The following MTO1 variants were observed in gnomAD, a reference collection of about 807,000 sequenced individuals.
The protein encoded by MTO1 is mitochondrial tRNA translation optimization 1.
MTO1 carries 46 observed loss-of-function variants against 71.6 expected under a neutral mutation model. The observed-to-expected ratio is 0.64, with a 90% CI of 0.51 to 0.82. The LOEUF is 0.82. Among genes scored for constraint, MTO1 ranks in the 40% least tolerant of loss-of-function variants. The pLI, the probability that MTO1 is intolerant of heterozygous loss-of-function variation, is 0.00. For missense variants in MTO1, 773 were observed against 867.5 expected, an observed-to-expected ratio of 0.89 and a Z score of 1.37; for synonymous variants, 297 against 312.1, an observed-to-expected ratio of 0.95 and a Z score of 0.51.
chr6:73,467,809 T>G (rs1771043981), intron 3 of MTO1, among the ~76,000 whole-genome samples: 1 of 151,896 alleles, frequency 6.6e-6, no homozygotes, highest in African/African-American at 2.4e-5. Flanking sequence ...TCTATTAACT[T>G]TTTTTGTTTG....
intron 4 of MTO1, among the ~76,000 whole-genome samples, chr6:73,478,892 C>CTTTTTTTTTTT (rs1352190387): frequency 7.5e-6 from 1 of 134,110 alleles, no homozygotes; most frequent in Non-Finnish European, 1.6e-5. Flanking sequence ...TTTTTTTTTT[C>CTTTTTTTTTTT]TTTTTTTTTT....
rs927196297 is a variant in MTO1, at chr6:73,500,691, C to G, written c.2035C>G (p.Gln679Glu). The G allele has an allele frequency of 1.3e-5, 21 of 1,610,966 alleles. No individual in the cohort carries two copies. The highest frequency in any genetic ancestry group is 1.8e-5 in the Non-Finnish European group (21 of 1,178,550). Residue 679 changes from glutamine to glutamate, a missense_variant, in exon 12 of 12, where the codon CAA becomes GAA. Coordinates refer to ENST00000498286, the MANE Select transcript of MTO1 (RefSeq NM_012123.4). The stretch of plus-strand genomic sequence containing the variant: ...TATGAATGAATCATCCAAGACTGAT[C>G]AATACTTATGTGATGCAGACAGACT... ...SAMNESSKTD[Q>E]YLCDADRLQE...
intron 1 of MTO1, 28 bp from the exon 2 acceptor site, chr6:73,466,177 ATATT>A (rs1176250818): frequency 6.4e-7 from 1 of 1,553,180 alleles, no homozygotes; most frequent in East Asian, 2.2e-5. Flanking sequence ...AGGTGCTCAT[ATATT>A]TATTTTGTTT....
At position 73,461,823 on chromosome 6, in the gene MTO1, A is replaced by G. The variant is rs1007901122; in HGVS notation, c.-32A>G. ...AGTTTTTTTGACCGTCACTCGTGTC[A>G]GCTTCAAAGTCAGATAGATTTTTCT... On this transcript the variant is annotated 5_prime_UTR_variant, in exon 1 of 12. Transcript: ENST00000498286. 3 of 1,598,350 alleles carry G rather than the reference A, an allele frequency of 1.9e-6. No homozygotes were observed. The highest frequency in any genetic ancestry group is 3.4e-5 in the Admixed American group (2 of 59,580).
intron 3 of MTO1, chr6:73,471,899 C>T (rs903517): frequency 0.067 from 10,171 of 152,274 alleles, 464 homozygotes; most frequent in East Asian, 0.19. Context: ...TCACCACCAA[C>T]GGTCTCTTGA....
rs1180126501 is a variant in MTO1 at position 73,480,759 on chromosome 6, C to A, written c.1214C>A (p.Ala405Asp). The A allele has an allele frequency of 6.2e-7, 1 of 1,614,008 alleles. No homozygotes were observed. Among genetic ancestry groups the A allele is most frequent in the Non-Finnish European group, 8.5e-7 (1 of 1,179,992 alleles). The change falls in exon 7 of 12, where the codon GCT becomes GAT. Residue 405 changes from alanine (A) to aspartate (D), a missense_variant. Coordinates refer to ENST00000498286, the MANE Select transcript of MTO1 (RefSeq NM_012123.4). ...CATTTGGTTCAACGACTCTTCTTTG[C>A]TGGACAGATCAATGGCACCACTGGT... ...ETHLVQRLFF[A>D]GQINGTTGYE... is the part of the protein sequence containing the mutation.
intron 11 of MTO1, 47 bp downstream of exon 11, chr6:73,497,943 C>T: frequency 6.6e-7 from 1 of 1,518,842 alleles, no homozygotes; most frequent in South Asian, 1.2e-5. Flanking sequence ...GATAAAGATA[C>T]AGTGCTTTAA....
At chr6:73,483,193 G>C (rs1010145099) in intron 9 of MTO1, among the ~76,000 whole-genome samples, 1 of 152,060 alleles carries the variant, frequency 6.6e-6, no homozygotes, top group Admixed American at 6.6e-5. Flanking sequence ...CGGATCACTT[G>C]AGTTCAGGAG....
At chr6:73,474,207 C>T (rs1211924625) in intron 4 of MTO1, among the ~76,000 whole-genome samples, 1 of 151,984 alleles carries the variant, frequency 6.6e-6, no homozygotes, top group African/African-American at 2.4e-5. Context: ...GTTCTTCTGC[C>T]TCAGCCTCCC....
rs1382806471 is a variant in MTO1, at chr6:73,461,757, A to G, written c.-98A>G. ...TAGACGTCCTACCCCGTGATATTAAAGCAAGATGGCCGCGCCCTGCAGATT... is the reference window on the plus strand; with the variant it reads ...TAGACGTCCTACCCCGTGATATTAAGGCAAGATGGCCGCGCCCTGCAGATT... On this transcript the variant is annotated 5_prime_UTR_variant, in exon 1 of 12. Transcript: ENST00000498286. The G allele has an allele frequency of 1.5e-6, 2 of 1,343,786 alleles. No individual in the cohort carries two copies. Among genetic ancestry groups the G allele is most frequent in the East Asian group, 4.8e-5 (2 of 41,500 alleles). The allele number at this position is 1,343,786 out of a possible 1,614,324, so 83.2% of individuals were successfully genotyped here.
chr6:73,492,027 A>G, intron 9 of MTO1: 1 of 413,530 alleles, frequency 2.4e-6, no homozygotes. Flanking sequence ...GCTTGAACCC[A>G]GCAGGTGGGG....
chr6:73,503,810 G>A lies in MTO1; in HGVS notation c.*3075G>A, dbSNP rs186898852. 2.0e-5 allele frequency: 3 copies of A among 152,312 alleles called. No homozygotes were observed. Among genetic ancestry groups the A allele is most frequent in the East Asian group, 1.9e-4 (1 of 5,190 alleles). The allele number at this position is 152,312 out of a possible 1,614,324, so 9.4% of individuals were successfully genotyped here. The stretch of plus-strand genomic sequence containing the variant: ...GATACGAACCTATGCTAAATTAAAC[G>A]ATTATGGCCTTGAAAATGAAGTTCC... On this transcript the variant is annotated 3_prime_UTR_variant, in exon 12 of 12. Transcript: ENST00000498286.
intron 1 of MTO1, among the ~76,000 whole-genome samples, chr6:73,463,320 C>T (rs1173125701): frequency 1.3e-5 from 2 of 152,088 alleles, no homozygotes; most frequent in South Asian, 2.1e-4. Context: ...CATGAGCCAC[C>T]GTGCCCAGCG....
At chr6:73,489,061 A>G (rs1024366546) in intron 9 of MTO1, among the ~76,000 whole-genome samples, 20 of 152,172 alleles carry the variant, frequency 1.3e-4, no homozygotes, top group African/African-American at 4.3e-4. Context: ...TCTTCTAGAA[A>G]TTTTATACCT....
Position 73,500,875 on chromosome 6 carries a change from A to G in MTO1, c.*140A>G. On this transcript the variant is annotated 3_prime_UTR_variant, in exon 12 of 12. Transcript: ENST00000498286. ...TTTGCCATTAATTTCTGAGTGGGAC[A>G]GAAATTATAATTGTGCTTTTTCGTG... 1.5e-6 allele frequency: 1 copy of G among 667,438 alleles called. No individual in the cohort carries two copies. Among genetic ancestry groups the G allele is most frequent in the Non-Finnish European group, 2.2e-6 (1 of 456,096 alleles). 41.3% of individuals were successfully genotyped at this position (667,438 alleles called of 1,614,324 possible).
In MTO1 at chr6:73,503,695, TTTCAA is replaced by T. The variant is rs2150047261; in HGVS notation, c.*2971_*2975del. ...TACCAGTTGAAAAAGCCAGGTATTT[TTTCAA>T]TTCAATTCAACAGGAACACCAAAAA... is the stretch of plus-strand genomic sequence containing the variant. On this transcript the variant is annotated 3_prime_UTR_variant, in exon 12 of 12. Coordinates refer to ENST00000498286, the MANE Select transcript of MTO1 (RefSeq NM_012123.4). The T allele has an allele frequency of 6.6e-6, 1 of 152,274 alleles. No homozygotes were observed. Among genetic ancestry groups the T allele is most frequent in the South Asian group, 2.1e-4 (1 of 4,828 alleles). The allele number at this position is 152,274 out of a possible 1,614,324, so 9.4% of individuals were successfully genotyped here. A position where few individuals can be genotyped will look rare whatever the true frequency, so the allele number is the denominator to read the frequency against.
At chr6:73,493,587 C>T in intron 10 of MTO1, among the ~76,000 whole-genome samples, 1 of 151,552 alleles carries the variant, frequency 6.6e-6, no homozygotes, top group Non-Finnish European at 1.5e-5. Flanking sequence ...GACAGGGTTT[C>T]ATCACATTGG....
At chr6:73,480,223 A>G in intron 6 of MTO1, 97 bp downstream of exon 6, 1 of 1,184,340 alleles carries the variant, frequency 8.4e-7, no homozygotes. Flanking sequence ...TCAGAGCCTC[A>G]GAAGATGAAG....
chr6:73,493,018 G>C (rs1202463699), intron 10 of MTO1, among the ~76,000 whole-genome samples: 1 of 112,174 alleles, frequency 8.9e-6, no homozygotes, highest in Non-Finnish European at 1.8e-5. Flanking sequence ...TTTTGAGGAG[G>C]AGTTTCCTTC....
Sources: allele counts gnomAD v4.1 joint callset (sites outside exome capture counted in the v4.1 genomes callset), GRCh38; gene constraint gnomAD v4.1.1; transcripts MANE v1.5; gene names NCBI Gene and HGNC (gene_info 2026-07-23, HGNC 2026-07-21).